Variants in MYL4 observed in about 807,000 individuals in gnomAD.
MYL4 encodes myosin light chain 4.
Under a neutral mutation model 21.6 loss-of-function variants are expected in MYL4, and 16 were observed. The observed-to-expected ratio is 0.74, with a 90% confidence interval of 0.50 to 1.12. The LOEUF (loss-of-function observed/expected upper bound fraction) is 1.12. Among genes scored for constraint, MYL4 ranks in the 50% most tolerant of loss-of-function variants. The probability of loss-of-function intolerance (pLI) is 0.00; values close to 1 mark genes in which losing one functional copy is unlikely to be tolerated. For missense variants in MYL4, 249 were observed against 252.9 expected, an observed-to-expected ratio of 0.98 and a Z score of 0.11; for synonymous variants, 82 against 95.7, an observed-to-expected ratio of 0.86 and a Z score of 0.83.
upstream of MYL4, among the ~76,000 whole-genome samples, chr17:47,206,330 G>T (rs2064728242): frequency 6.6e-6 from 1 of 152,024 alleles, no homozygotes; most frequent in Admixed American, 6.6e-5. Context: ...AAGGGGAGTG[G>T]GGTGGGGGAA....
chr17:47,221,575 C>T, intron 3 of MYL4, 107 bp from the exon 4 acceptor site: 1 of 1,338,370 alleles, frequency 7.5e-7, no homozygotes, highest in Admixed American at 2.1e-5. Context: ...GGCTGCAGCC[C>T]AAGCCCTGGG....
chr17:47,199,730 G>T (rs1598646380), upstream of MYL4, among the ~76,000 whole-genome samples: 15 of 136,982 alleles, frequency 1.1e-4, no homozygotes, highest in South Asian at 2.4e-4. Context: ...GTTAGTTGTA[G>T]TAAAGTCTTT....
At chr17:47,194,665 C>G in the MYL4 span, among the ~76,000 whole-genome samples, 1 of 152,094 alleles carries the variant, frequency 6.6e-6, no homozygotes, top group East Asian at 1.9e-4. Flanking sequence ...TTCCCCCACC[C>G]CCCAAATTCA....
the MYL4 span, among the ~76,000 whole-genome samples, chr17:47,190,388 C>T: frequency 6.6e-6 from 1 of 152,188 alleles, no homozygotes; most frequent in African/African-American, 2.4e-5. Context: ...CCCCTTCTCC[C>T]CCCAAAAAGA....
rs745655031 is a variant in MYL4, at chr17:47,221,840, G to A, written c.472G>A (p.Val158Ile). 2.0e-5 allele frequency: 33 copies of A among 1,613,368 alleles called. No homozygotes were observed. The highest frequency in any genetic ancestry group is 5.3e-5 in the African/African-American group (4 of 74,904). Residue 158 changes from valine to isoleucine, a missense_variant, in exon 4 of 7, where the codon GTC becomes ATC. Val to Ile is a conservative substitution (Grantham distance 29, BLOSUM62 3). Coordinates refer to ENST00000393450, the MANE Select transcript of MYL4 (RefSeq NM_002476.2). The stretch of plus-strand genomic sequence containing the variant: ...GGTCATGGGTGCTGAGCTTCGGCAC[G>A]TCCTTGCCACCCTGGGTATGCCAGC... ...GTVMGAELRH[V>I]LATLGEKMTE...
chr17:47,223,141 TC>T, intron 6 of MYL4, 84 bp downstream of exon 6: 1 of 1,449,568 alleles, frequency 6.9e-7, no homozygotes, highest in Non-Finnish European at 9.6e-7. Flanking sequence ...AAGGCATCTG[TC>T]CCAGCCCTGA....
At chr17:47,221,935 G>C in intron 4 of MYL4, 80 bp downstream of exon 4, 19 of 1,480,730 alleles carry the variant, frequency 1.3e-5, no homozygotes, top group Non-Finnish European at 1.7e-5. Context: ...ATGCTGGTTG[G>C]GTGGGGGGTG....
chr17:47,227,342 A>G, downstream of MYL4, among the ~76,000 whole-genome samples: 1 of 152,234 alleles, frequency 6.6e-6, no homozygotes, highest in East Asian at 1.9e-4. Flanking sequence ...GGGAAGAGGT[A>G]TGCATAAAAA....
chr17:47,211,766 A>T (rs2064777490), intron 1 of MYL4, among the ~76,000 whole-genome samples: 1 of 151,362 alleles, frequency 6.6e-6, no homozygotes, highest in South Asian at 2.1e-4. Context: ...GAGATGAGAC[A>T]GGATGGGCAC....
chr17:47,224,665 C>T (rs1390886068), downstream of MYL4, among the ~76,000 whole-genome samples: 2 of 152,156 alleles, frequency 1.3e-5, no homozygotes, highest in East Asian at 1.9e-4. Flanking sequence ...ACAATGTCCT[C>T]GTGTTCCTTT....
intron 2 of MYL4, among the ~76,000 whole-genome samples, chr17:47,217,697 G>C (rs1418218926): frequency 6.6e-6 from 1 of 152,068 alleles, no homozygotes; most frequent in East Asian, 1.9e-4. Context: ...TATATACCTA[G>C]TATATTTACA....
rs114776758 is a variant in MYL4 at position 47,213,662 on chromosome 17, A to G, written c.136-137A>G. 4.4e-3 allele frequency: 3,665 copies of G among 839,688 alleles called. 92 individuals are homozygous for G. In the African/African-American group the frequency reaches 0.054, roughly 12 times the overall value. The allele number at this position is 839,688 out of a possible 1,614,324, so 52.0% of individuals were successfully genotyped here. A position where few individuals can be genotyped will look rare whatever the true frequency, so the allele number is the denominator to read the frequency against. The stretch of plus-strand genomic sequence containing the variant: ...TTGTGTTTTACCCTTAGCACAAGTC[A>G]CCTTCCCTGCTTATCAGTGGCCTGC... On this transcript the variant is annotated intron_variant, in intron 1 of 6. Coordinates refer to ENST00000393450, the MANE Select transcript of MYL4 (RefSeq NM_002476.2).
chr17:47,205,081 C>A (rs996499740), upstream of MYL4, among the ~76,000 whole-genome samples: 2 of 152,156 alleles, frequency 1.3e-5, no homozygotes, highest in African/African-American at 4.8e-5. Context: ...TGAGTGTTTG[C>A]GAGCTCAGCC....
upstream of MYL4, among the ~76,000 whole-genome samples, chr17:47,199,674 CAAAA>C (rs34989806): frequency 1.6e-5 from 2 of 127,414 alleles, no homozygotes; most frequent in African/African-American, 2.9e-5. Context: ...GACCCTGTCT[CAAAA>C]AAAAAAAAAA....
At chr17:47,203,410 A>G (rs1237725411) in intron 1 of MYL4, among the ~76,000 whole-genome samples, 1 of 151,814 alleles carries the variant, frequency 6.6e-6, no homozygotes, top group Non-Finnish European at 1.5e-5. Context: ...TCCCAGCTAT[A>G]TCTATTCTGC....
At chr17:47,217,556 T>A (rs1217879460) in intron 2 of MYL4, among the ~76,000 whole-genome samples, 1 of 152,182 alleles carries the variant, frequency 6.6e-6, no homozygotes, top group African/African-American at 2.4e-5. Context: ...AGTTAAATGA[T>A]TTGGCCAAGA....
chr17:47,197,190 C>G (rs1312406304), upstream of MYL4, among the ~76,000 whole-genome samples: 1 of 151,530 alleles, frequency 6.6e-6, no homozygotes, highest in Non-Finnish European at 1.5e-5. Context: ...GCTCCACCTC[C>G]CGGGTTCATG....
At chr17:47,220,181 C>T in intron 3 of MYL4, 128 bp downstream of exon 3, 1 of 1,177,684 alleles carries the variant, frequency 8.5e-7, no homozygotes, top group Non-Finnish European at 1.2e-6. Flanking sequence ...GGACCAGCCT[C>T]ACCTACCCAG....
intron 5 of MYL4, 103 bp from the exon 6 acceptor site, chr17:47,222,911 G>T (rs2064867359): frequency 7.2e-7 from 1 of 1,391,060 alleles, no homozygotes; most frequent in African/African-American, 1.4e-5. Context: ...TGGAGAAAGG[G>T]GAGCAGGAGG....
Sources: allele counts gnomAD v4.1 joint callset (sites outside exome capture counted in the v4.1 genomes callset), GRCh38; gene constraint gnomAD v4.1.1; transcripts MANE v1.5; gene names NCBI Gene and HGNC (gene_info 2026-07-23, HGNC 2026-07-21).